GRIN2B: variants seen among roughly 807,000 people sequenced by gnomAD.
The protein encoded by GRIN2B is glutamate ionotropic receptor NMDA type subunit 2B.
Under a neutral mutation model 114.5 loss-of-function variants are expected in GRIN2B, and 5 were observed. That is an observed-to-expected ratio of 0.04 (90% CI 0.02 to 0.09). The LOEUF (loss-of-function observed/expected upper bound fraction) is 0.09. Ranked by LOEUF, GRIN2B falls within the 10% of genes least tolerant of loss-of-function variation. The probability of loss-of-function intolerance (pLI) is 1.00; values close to 1 mark genes in which losing one functional copy is unlikely to be tolerated. For missense variants in GRIN2B, 1,108 were observed against 1,943.5 expected (o/e 0.57, Z 8.08); for synonymous variants, 787 against 745.1 (o/e 1.06, Z -0.92).
intron 3 of GRIN2B, among the ~76,000 whole-genome samples, chr12:13,810,709 T>C (rs141152985): frequency 1.2e-4 from 19 of 152,352 alleles, no homozygotes; most frequent in African/African-American, 4.3e-4. Flanking sequence ...ATGTCCTTCT[T>C]CTTAATAGTT....
chr12:13,941,668 C>T (rs952821302), intron 2 of GRIN2B, among the ~76,000 whole-genome samples: 6 of 152,100 alleles, frequency 3.9e-5, no homozygotes, highest in African/African-American at 1.4e-4. Flanking sequence ...AAGTGGTGGC[C>T]GAGGCATGCA....
At chr12:13,712,839 C>T (rs1950426219) in intron 4 of GRIN2B, among the ~76,000 whole-genome samples, 1 of 151,762 alleles carries the variant, frequency 6.6e-6, no homozygotes, top group East Asian at 1.9e-4. Flanking sequence ...TTCTAGGTAC[C>T]CCCACATCTT....
intron 2 of GRIN2B, among the ~76,000 whole-genome samples, chr12:13,959,769 CTTTT>C (rs3082919): frequency 2.3e-5 from 3 of 132,460 alleles, no homozygotes; most frequent in Non-Finnish European, 1.6e-5. Context: ...TTTTCTTTTT[CTTTT>C]TTTTTTTTTT....
rs1204839512 is a variant in GRIN2B at position 13,546,796 on chromosome 12, AG to A, written c.*15986del. ...TCAAGCTAGACATCCTCCATCACAA[AG>A]GGCTTGTGCCTTGAAATAAATTTAA... is the stretch of plus-strand genomic sequence containing the variant. On this transcript the variant is annotated 3_prime_UTR_variant, in exon 14 of 14. Coordinates refer to ENST00000609686, the MANE Select transcript of GRIN2B (RefSeq NM_000834.5). The A allele has an allele frequency of 6.6e-6, 1 of 152,190 alleles. No individual in the cohort carries two copies. Among genetic ancestry groups the A allele is most frequent in the Non-Finnish European group, 1.5e-5 (1 of 68,052 alleles). 9.4% of individuals were successfully genotyped at this position (152,190 alleles called of 1,614,324 possible).
chr12:13,681,061 C>T (rs548251751), intron 4 of GRIN2B, among the ~76,000 whole-genome samples: 114 of 152,182 alleles, frequency 7.5e-4, no homozygotes, highest in Non-Finnish European at 1.5e-3. Context: ...TACTGCACCA[C>T]GTTGATACCC....
At chr12:13,776,710 A>C (rs1245661421) in intron 3 of GRIN2B, among the ~76,000 whole-genome samples, 3 of 152,142 alleles carry the variant, frequency 2.0e-5, no homozygotes, top group Non-Finnish European at 4.4e-5. Flanking sequence ...TAGAGCGGAG[A>C]CAAGAGAATA....
At chr12:13,766,383 C>T (rs1863789114) in intron 3 of GRIN2B, among the ~76,000 whole-genome samples, 1 of 152,204 alleles carries the variant, frequency 6.6e-6, no homozygotes, top group Admixed American at 6.5e-5. Flanking sequence ...CCCTCTCTTT[C>T]CCAGTTCTCC....
At chr12:13,888,672 T>C (rs1036568800) in intron 2 of GRIN2B, among the ~76,000 whole-genome samples, 1 of 150,860 alleles carries the variant, frequency 6.6e-6, no homozygotes, top group East Asian at 2.0e-4. Flanking sequence ...AGGTGGAGGT[T>C]GTAGAGAGCC....
At position 13,560,809 on chromosome 12, in the gene GRIN2B, G is replaced by A. The variant is rs573326793; in HGVS notation, c.*1974C>T. Reference sequence around the variant, plus strand: ...ATACTGAGGTAAAAATCAAGGAGGAGGGTTGGGGACAGCAGTCAAGGGCGG... The same window carrying A: ...ATACTGAGGTAAAAATCAAGGAGGAAGGTTGGGGACAGCAGTCAAGGGCGG... On this transcript the variant is annotated 3_prime_UTR_variant, in exon 14 of 14. Transcript: ENST00000609686. 3 of 152,330 alleles carry A rather than the reference G, an allele frequency of 2.0e-5. No individual in the cohort carries two copies. Among genetic ancestry groups the A allele is most frequent in the African/African-American group, 7.2e-5 (3 of 41,462 alleles). 9.4% of individuals were successfully genotyped at this position (152,330 alleles called of 1,614,324 possible).
Position 13,552,529 on chromosome 12 carries a change from A to C in GRIN2B, c.*10254T>G, listed in dbSNP as rs1003767277. The stretch of plus-strand genomic sequence containing the variant: ...TGTAGGCAAAATAATTGACATGAAC[A>C]GTTCATGGCTAAAATGCCTAGAATT... On this transcript the variant is annotated 3_prime_UTR_variant, in exon 14 of 14. Coordinates refer to ENST00000609686, the MANE Select transcript of GRIN2B (RefSeq NM_000834.5). The C allele has an allele frequency of 8.5e-5, 13 of 152,108 alleles. No individual in the cohort carries two copies. The highest frequency in any genetic ancestry group is 5.9e-4 in the Admixed American group (9 of 15,280). 9.4% of individuals were successfully genotyped at this position (152,108 alleles called of 1,614,324 possible). A position where few individuals can be genotyped will look rare whatever the true frequency, so the allele number is the denominator to read the frequency against.
At chr12:13,755,513 C>G in intron 3 of GRIN2B, among the ~76,000 whole-genome samples, 1 of 152,148 alleles carries the variant, frequency 6.6e-6, no homozygotes, top group East Asian at 1.9e-4. Flanking sequence ...CTTAAAGATA[C>G]AGTTGAAGAG....
At chr12:13,613,371 T>TAA (rs775858343) in intron 8 of GRIN2B, among the ~76,000 whole-genome samples, 2 of 152,210 alleles carry the variant, frequency 1.3e-5, no homozygotes, top group Admixed American at 6.5e-5. Context: ...ACTATATATA[T>TAA]AATCCTTCTA....
At chr12:13,831,406 G>A (rs1293913283) in intron 3 of GRIN2B, among the ~76,000 whole-genome samples, 1 of 152,156 alleles carries the variant, frequency 6.6e-6, no homozygotes, top group East Asian at 1.9e-4. Context: ...AATTCTCAGT[G>A]TTTATTAACT....
intron 2 of GRIN2B, among the ~76,000 whole-genome samples, chr12:13,876,302 A>G (rs962402032): frequency 2.0e-4 from 31 of 152,200 alleles, no homozygotes; most frequent in African/African-American, 7.5e-4. Context: ...GTTGTTGTGA[A>G]TATTAAACAA....
At chr12:13,893,537 A>ATCATTAT (rs1244536064) in intron 2 of GRIN2B, among the ~76,000 whole-genome samples, 1 of 152,206 alleles carries the variant, frequency 6.6e-6, no homozygotes, top group Non-Finnish European at 1.5e-5. Flanking sequence ...TATTTGTTTA[A>ATCATTAT]TCATTATTAA....
chr12:13,880,172 G>T (rs1227305241), intron 2 of GRIN2B, among the ~76,000 whole-genome samples: 2 of 152,212 alleles, frequency 1.3e-5, no homozygotes, highest in East Asian at 1.9e-4. Context: ...GGGTCCTGGA[G>T]ATGCCTTTAT....
intron 2 of GRIN2B, among the ~76,000 whole-genome samples, chr12:13,946,262 A>G (rs1221743161): frequency 1.3e-5 from 2 of 152,196 alleles, no homozygotes; most frequent in Non-Finnish European, 2.9e-5. Context: ...AATTTCTGGC[A>G]TATAATAAAT....
Position 13,539,546 on chromosome 12 carries a change from G to A in GRIN2B, c.*23237C>T, listed in dbSNP as rs947191190. The A allele has an allele frequency of 2.0e-5, 3 of 152,128 alleles. No individual in the cohort carries two copies. The highest frequency in any genetic ancestry group is 4.4e-5 in the Non-Finnish European group (3 of 68,028). The allele number at this position is 152,128 out of a possible 1,614,324, so 9.4% of individuals were successfully genotyped here. A position where few individuals can be genotyped will look rare whatever the true frequency, so the allele number is the denominator to read the frequency against. On this transcript the variant is annotated 3_prime_UTR_variant, in exon 14 of 14. Transcript: ENST00000609686. ...AGTAACAGGACTGGGACTGGGAGTG[G>A]GGTGGGAAACAATCAGCAAAACAAG...
intron 2 of GRIN2B, among the ~76,000 whole-genome samples, chr12:13,941,998 A>G (rs1188999935): frequency 6.6e-6 from 1 of 152,210 alleles, no homozygotes; most frequent in African/African-American, 2.4e-5. Context: ...CAACTTGTTC[A>G]AGTTTGTGTG....
Sources: allele counts gnomAD v4.1 joint callset (sites outside exome capture counted in the v4.1 genomes callset), GRCh38; gene constraint gnomAD v4.1.1; transcripts MANE v1.5; gene names NCBI Gene and HGNC (gene_info 2026-07-23, HGNC 2026-07-21).